ZHX3: variants seen among roughly 807,000 people sequenced by gnomAD.
ZHX3 encodes the protein zinc fingers and homeoboxes protein 3.
In ZHX3, 20 loss-of-function variants were observed where a neutral mutation model predicts 64.5. That is an observed-to-expected ratio of 0.31 (90% CI 0.22 to 0.45). The LOEUF (loss-of-function observed/expected upper bound fraction) is 0.45. ZHX3 is among the 20% of genes least tolerant of loss of function. The probability of loss-of-function intolerance (pLI) is 1.00; values close to 1 mark genes in which losing one functional copy is unlikely to be tolerated. For synonymous variants in ZHX3, 423 were observed against 461.6 expected, an observed-to-expected ratio of 0.92 and a Z score of 1.07; for missense variants, 1,041 against 1,195.8, an observed-to-expected ratio of 0.87 and a Z score of 1.91.
intron 2 of ZHX3, among the ~76,000 whole-genome samples, chr20:41,246,188 AGAT>A (rs760941267): frequency 1.3e-4 from 20 of 152,358 alleles, no homozygotes; most frequent in Non-Finnish European, 2.6e-4. Context: ...ACTTCACTGA[AGAT>A]GATTTTTGCT....
chr20:41,274,631 ACTGTGGAGTTTTCTAAGACTCGCAATTG>A (rs2043297416), intron 1 of ZHX3, among the ~76,000 whole-genome samples: 1 of 152,236 alleles, frequency 6.6e-6, no homozygotes, highest in African/African-American at 2.4e-5. Context: ...AGGAAAAATC[ACTGTGGAGTTTTCTAAGACTCGCAATTG>A]CAAGGAAAGT....
Position 41,184,658 on chromosome 20 carries a change from C to T in ZHX3, c.*533G>A, listed in dbSNP as rs190711701. On this transcript the variant is annotated 3_prime_UTR_variant, in exon 4 of 4. Coordinates refer to ENST00000683867, the MANE Select transcript of ZHX3 (RefSeq NM_001384317.1). The stretch of plus-strand genomic sequence containing the variant: ...TTCCTTGAGGAACACAAAGGGGGCA[C>T]AAAGGGGTTCCAGACGTAGCTTTGT... 2.0e-6 allele frequency: 1 copy of T among 497,204 alleles called. No homozygotes were observed. Among genetic ancestry groups the T allele is most frequent in the Non-Finnish European group, 3.6e-6 (1 of 276,386 alleles). 30.8% of individuals were successfully genotyped at this position (497,204 alleles called of 1,614,324 possible). A position where few individuals can be genotyped will look rare whatever the true frequency, so the allele number is the denominator to read the frequency against.
At chr20:41,245,619 T>C (rs1042580342) in intron 2 of ZHX3, among the ~76,000 whole-genome samples, 1 of 152,240 alleles carries the variant, frequency 6.6e-6, no homozygotes, top group African/African-American at 2.4e-5. Context: ...TCTGCTCCTA[T>C]GCTCAGCAGC....
intron 2 of ZHX3, among the ~76,000 whole-genome samples, chr20:41,248,672 T>G (rs1233959263): frequency 1.3e-5 from 2 of 152,224 alleles, no homozygotes; most frequent in Non-Finnish European, 2.9e-5. Context: ...TGTATTTCTC[T>G]CTCCAAAACC....
chr20:41,284,967 T>C (rs932491809), intron 1 of ZHX3, among the ~76,000 whole-genome samples: 7 of 152,182 alleles, frequency 4.6e-5, no homozygotes, highest in African/African-American at 1.7e-4. Flanking sequence ...TTCCTCCATA[T>C]ACTTCCTCTC....
At chr20:41,288,284 T>G (rs2044040184) in intron 1 of ZHX3, among the ~76,000 whole-genome samples, 1 of 152,214 alleles carries the variant, frequency 6.6e-6, no homozygotes, top group African/African-American at 2.4e-5. Flanking sequence ...CATCCCAAAG[T>G]GGTGGAATTA....
intron 1 of ZHX3, chr20:41,316,713 T>C (rs535796075): frequency 6.6e-6 from 1 of 152,342 alleles, no homozygotes; most frequent in South Asian, 2.1e-4. Context: ...TGCTCAGAAA[T>C]GTAAACCATG....
At chr20:41,227,729 T>G (rs763518481) in intron 2 of ZHX3, among the ~76,000 whole-genome samples, 5 of 152,214 alleles carry the variant, frequency 3.3e-5, no homozygotes, top group Non-Finnish European at 7.3e-5. Flanking sequence ...TTATCTGTTT[T>G]TAAACAAAAG....
rs1184751351 is a variant in ZHX3, at chr20:41,202,558, G to A, written c.2359C>T (p.Gln787Ter). 1.2e-6 allele frequency: 2 copies of A among 1,613,988 alleles called. No homozygotes were observed. The highest frequency in any genetic ancestry group is 3.3e-5 in the Admixed American group (2 of 59,996). Residue 787 changes from glutamine to a stop codon, truncating the protein, a stop_gained, in exon 3 of 4, where the codon CAG becomes TAG. Transcript: ENST00000683867. LOFTEE classifies it high-confidence loss of function. The surrounding 1 kb of genome is among the most constrained non-coding windows in gnomAD (Gnocchi z 7.0). ...HLLRQLFVQT[Q>*]WPSNQDYDSI... ...TCATAGTCCTGGTTGCTTGGCCACTGTGTCTGGACAAAGAGCTGCCGCAGC... is the reference window on the plus strand; with the variant it reads ...TCATAGTCCTGGTTGCTTGGCCACTATGTCTGGACAAAGAGCTGCCGCAGC...
chr20:41,206,560 G>A (rs2038726891), intron 2 of ZHX3, among the ~76,000 whole-genome samples: 1 of 152,162 alleles, frequency 6.6e-6, no homozygotes, highest in Admixed American at 6.5e-5. Flanking sequence ...ATCAGTGATT[G>A]AAGATCAAAT....
At chr20:41,266,766 C>T (rs1600566962) in intron 2 of ZHX3, among the ~76,000 whole-genome samples, 3 of 150,262 alleles carry the variant, frequency 2.0e-5, no homozygotes, top group Admixed American at 6.6e-5. Flanking sequence ...AGGATGGTCT[C>T]GATCTCCTGA....
intron 2 of ZHX3, among the ~76,000 whole-genome samples, chr20:41,236,731 A>C (rs1450046692): frequency 3.3e-5 from 5 of 152,216 alleles, no homozygotes; most frequent in Non-Finnish European, 2.9e-5. Context: ...CATGTCTAAA[A>C]CACCAAAAGC....
intron 2 of ZHX3, among the ~76,000 whole-genome samples, chr20:41,209,916 G>A (rs1053950083): frequency 6.6e-6 from 1 of 152,176 alleles, no homozygotes; most frequent in Non-Finnish European, 1.5e-5. Flanking sequence ...GCAACCTACA[G>A]AATGGGAGAA....
chr20:41,231,532 A>C lies in ZHX3; in HGVS notation c.-150-26466T>G, dbSNP rs59220905. Among the ~76,000 whole-genome samples the C allele has an allele frequency of 8.8e-3, 1,343 of 152,232 alleles. 14 individuals carry two copies. The highest frequency in any genetic ancestry group is 0.031 in the African/African-American group (1,285 of 41,528). On this transcript the variant is annotated intron_variant, in intron 2 of 3. Coordinates refer to ENST00000683867, the MANE Select transcript of ZHX3 (RefSeq NM_001384317.1). ...CCTTTCTAAACTTCCACTGTACCTA[A>C]ATCATTTTTTATAGCACATTCTACC...
At position 41,179,932 on chromosome 20, in the gene ZHX3, G is replaced by A. The variant is rs368110013; in HGVS notation, c.*5259C>T. Reference sequence around the variant, plus strand: ...GGTGTGAGCCACTGCGCCCAGCCAAGTCACGTTAATTTTGAATCATCCACT... The same window carrying A: ...GGTGTGAGCCACTGCGCCCAGCCAAATCACGTTAATTTTGAATCATCCACT... On this transcript the variant is annotated 3_prime_UTR_variant, in exon 4 of 4. Transcript: ENST00000683867. The surrounding 1 kb of genome is among the most constrained non-coding windows in gnomAD (Gnocchi z 4.3). 6 of 152,588 alleles carry A rather than the reference G, an allele frequency of 3.9e-5. No homozygotes were observed. The highest frequency in any genetic ancestry group is 1.4e-4 in the African/African-American group (6 of 41,566). 9.5% of individuals were successfully genotyped at this position (152,588 alleles called of 1,614,324 possible).
intron 2 of ZHX3, among the ~76,000 whole-genome samples, chr20:41,244,128 C>T (rs6102322): frequency 0.42 from 64,294 of 151,724 alleles, 15,647 homozygotes; most frequent in East Asian, 0.79. Flanking sequence ...GTAGAGCACA[C>T]TGTCCCCAGG....
At chr20:41,261,065 A>G (rs1291354179) in intron 2 of ZHX3, among the ~76,000 whole-genome samples, 2 of 152,194 alleles carry the variant, frequency 1.3e-5, no homozygotes, top group Non-Finnish European at 2.9e-5. Context: ...TTCAGCATGG[A>G]AAGACCTGAA....
intron 3 of ZHX3, among the ~76,000 whole-genome samples, chr20:41,190,826 T>A (rs2036954178): frequency 6.6e-6 from 1 of 152,194 alleles, no homozygotes; most frequent in Admixed American, 6.5e-5. Context: ...ATCCTTGGCT[T>A]ACTTTTTTTC....
intron 1 of ZHX3, among the ~76,000 whole-genome samples, chr20:41,292,344 T>C (rs1039141035): frequency 1.3e-5 from 2 of 152,214 alleles, no homozygotes; most frequent in African/African-American, 4.8e-5. Context: ...CAGGTCACAA[T>C]GAGCTCTACA....
Sources: allele counts gnomAD v4.1 joint callset (sites outside exome capture counted in the v4.1 genomes callset), GRCh38; gene constraint gnomAD v4.1.1; non-coding constraint Gnocchi (gnomAD v3.1); transcripts MANE v1.5; gene names NCBI Gene and HGNC (gene_info 2026-07-23, HGNC 2026-07-21).